HCN4: variants seen among roughly 807,000 people sequenced by gnomAD.
HCN4 encodes the protein hyperpolarization activated cyclic nucleotide gated potassium channel 4.
In HCN4, 29 loss-of-function variants were observed where a neutral mutation model predicts 76.9. That is an observed-to-expected ratio of 0.38 (90% CI 0.28 to 0.51). The LOEUF (loss-of-function observed/expected upper bound fraction) is 0.51, where lower values mean the gene tolerates loss of function less well. Ranked by LOEUF, HCN4 falls within the 20% of genes least tolerant of loss-of-function variation. The pLI is 0.90. For synonymous variants in HCN4, 772 were observed against 762.5 expected (o/e 1.01, Z -0.21); for missense variants, 1,416 against 1,715.2 (o/e 0.83, Z 3.08).
intron 2 of HCN4, among the ~76,000 whole-genome samples, chr15:73,338,799 G>A (rs2042981249): frequency 6.6e-6 from 1 of 152,224 alleles, no homozygotes; most frequent in South Asian, 2.1e-4. Context: ...AGCAACCCCA[G>A]GCCTGGCAGA....
chr15:73,367,786 G>A lies in HCN4; in HGVS notation c.485C>T (p.Ala162Val), dbSNP rs2043135851. 1.5e-6 allele frequency: 2 copies of A among 1,342,926 alleles called. No individual in the cohort carries two copies. Among genetic ancestry groups the A allele is most frequent in the Non-Finnish European group, 1.9e-6 (2 of 1,056,614 alleles). The allele number at this position is 1,342,926 out of a possible 1,614,324, so 83.2% of individuals were successfully genotyped here. Residue 162 changes from alanine (A) to valine (V), a missense_variant, in exon 1 of 8, where the codon GCA becomes GTA. Around this residue, in one of 6 missense-constraint regions of HCN4, gnomAD observed 355 missense variants for 347.8 expected, o/e 1.02. Transcript: ENST00000261917. The surrounding 1 kb of genome is among the most constrained non-coding windows in gnomAD (Gnocchi z 7.5). ...CTGCTGGGGCGGCGGCGGCGAGGCT[G>A]CGGGCTGCGCCGAGGCGCCGGGGCG... Reference protein sequence around the residue: ...PERPGASAQPAASPPPPQQPP... With the variant: ...PERPGASAQPVASPPPPQQPP...
chr15:73,358,734 C>A (rs911118279), intron 1 of HCN4, among the ~76,000 whole-genome samples: 5 of 152,192 alleles, frequency 3.3e-5, no homozygotes, highest in African/African-American at 1.2e-4. Context: ...AACACCCACC[C>A]CAGCCAGGCG....
In HCN4 at chr15:73,325,386, C is replaced by T. The variant is rs1005030656; in HGVS notation, c.1649G>A (p.Arg550His). The change falls in exon 5 of 8, where the codon CGC (arginine) becomes CAC (histidine). Residue 550 changes from arginine (R) to histidine (H), a missense_variant. Physicochemically the swap from Arg to His is conservative, Grantham distance 29. Transcript: ENST00000261917. This position sits in a 1 kb window ranked among gnomAD's most constrained non-coding sequence, Gnocchi z 7.4. ...FHKLPPDTRQ[R>H]IHDYYEHRYQ... Reference sequence around the variant, plus strand: ...GCGGTGCTCGTAGTAGTCGTGGATGCGCTGCCGGGTGTCGGGCGGGAGCTT... The same window carrying T: ...GCGGTGCTCGTAGTAGTCGTGGATGTGCTGCCGGGTGTCGGGCGGGAGCTT... 3.7e-6 allele frequency: 6 copies of T among 1,613,998 alleles called. No individual in the cohort carries two copies. The highest frequency in any genetic ancestry group is 2.2e-5 in the East Asian group (1 of 44,880).
intron 3 of HCN4, among the ~76,000 whole-genome samples, chr15:73,330,757 G>A (rs2042928076): frequency 6.6e-6 from 1 of 152,222 alleles, no homozygotes; most frequent in African/African-American, 2.4e-5. Flanking sequence ...CAGCCAGACT[G>A]CCCTGAACAG....
At chr15:73,345,620 A>G (rs1015275810) in intron 1 of HCN4, among the ~76,000 whole-genome samples, 2 of 152,188 alleles carry the variant, frequency 1.3e-5, no homozygotes, top group African/African-American at 2.4e-5. Context: ...ACCCAGCCAC[A>G]TAGACCTCAC....
rs2042851571 is a variant in HCN4, at chr15:73,320,632, G to C, written c.*1849C>G. The C allele has an allele frequency of 6.6e-6, 1 of 152,198 alleles. No homozygotes were observed. The highest frequency in any genetic ancestry group is 2.4e-5 in the African/African-American group (1 of 41,412). 9.4% of individuals were successfully genotyped at this position (152,198 alleles called of 1,614,324 possible). On this transcript the variant is annotated 3_prime_UTR_variant, in exon 8 of 8. Transcript: ENST00000261917. ...AGCTGCTTTCTCGTTCCCGCAATCTGGAACCTGCTTATGGCTCCTAGTTGC... is the reference window on the plus strand; with the variant it reads ...AGCTGCTTTCTCGTTCCCGCAATCTCGAACCTGCTTATGGCTCCTAGTTGC...
chr15:73,329,957 G>A lies in HCN4; in HGVS notation c.1372-166C>T, dbSNP rs913689143. On this transcript the variant is annotated intron_variant, in intron 3 of 7. Coordinates refer to ENST00000261917, the MANE Select transcript of HCN4 (RefSeq NM_005477.3). Reference sequence around the variant, plus strand: ...GAAAGCCTTGGGTGAGAAGCAGCCTGTGCTGCCAGCGAGTCCTCCTCTTGT... The same window carrying A: ...GAAAGCCTTGGGTGAGAAGCAGCCTATGCTGCCAGCGAGTCCTCCTCTTGT... 2.0e-5 allele frequency among the ~76,000 whole-genome samples: 3 copies of A among 152,250 alleles called. No individual in the cohort carries two copies. The East Asian group carries it at 5.8e-4, about 29-fold the overall frequency.
intron 1 of HCN4, among the ~76,000 whole-genome samples, chr15:73,364,006 C>T (rs1050157684): frequency 6.6e-6 from 1 of 152,124 alleles, no homozygotes; most frequent in Non-Finnish European, 1.5e-5. Flanking sequence ...GCTCAGGACA[C>T]CCCTGGGACC....
chr15:73,323,207 TG>T lies in HCN4; in HGVS notation c.2885del (p.Pro962HisfsTer23). ...LGLPEHFLPPPPSSRSPSSSP... is the reference protein window; with the variant it reads ...LGLPEHFLPPXPSSRSPSSSP... ...TAGATGACGGGGATCTGGATGAGGGTGGGGGTGGCAGGAAGTGCTCCGGGAG... is the reference window on the plus strand; with the variant it reads ...TAGATGACGGGGATCTGGATGAGGGTGGGGTGGCAGGAAGTGCTCCGGGAG... On this transcript the variant is annotated frameshift_variant, in exon 8 of 8. Transcript: ENST00000261917. LOFTEE classifies it high-confidence loss of function. The T allele has an allele frequency of 6.5e-7, 1 of 1,532,822 alleles. No individual in the cohort carries two copies. 95.0% of individuals were successfully genotyped at this position (1,532,822 alleles called of 1,614,324 possible). A position where few individuals can be genotyped will look rare whatever the true frequency, so the allele number is the denominator to read the frequency against.
At chr15:73,331,470 T>C (rs1426759784) in intron 3 of HCN4, among the ~76,000 whole-genome samples, 1 of 152,184 alleles carries the variant, frequency 6.6e-6, no homozygotes, top group African/African-American at 2.4e-5. Flanking sequence ...GCTTTTTGTT[T>C]TTTATTTTTA....
At chr15:73,326,812 G>T (rs1050418885) in intron 4 of HCN4, among the ~76,000 whole-genome samples, 7 of 148,808 alleles carry the variant, frequency 4.7e-5, no homozygotes, top group East Asian at 1.9e-4. Context: ...GTTAAGACAG[G>T]GTCTCGTTGT....
Position 73,367,457 on chromosome 15 carries a change from C to T in HCN4, c.785+29G>A, listed in dbSNP as rs188092263. ...GGCATGCCTGCCACCGCGCAGGGCACCCACAGGATCATCGCTGTGGCCCCT... is the reference window on the plus strand; with the variant it reads ...GGCATGCCTGCCACCGCGCAGGGCATCCACAGGATCATCGCTGTGGCCCCT... On this transcript the variant is annotated intron_variant, in intron 1 of 7. Transcript: ENST00000261917. The surrounding 1 kb of genome is among the most constrained non-coding windows in gnomAD (Gnocchi z 7.5). The T allele has an allele frequency of 1.3e-4, 206 of 1,612,116 alleles. No individual in the cohort carries two copies. The African/African-American group carries it at 1.3e-3, about 11-fold the overall frequency.
chr15:73,367,853 CG>C lies in HCN4; in HGVS notation c.417del (p.Gly140AlafsTer92). 4 of 1,301,032 alleles carry C rather than the reference CG, an allele frequency of 3.1e-6. No individual in the cohort carries two copies. 80.6% of individuals were successfully genotyped at this position (1,301,032 alleles called of 1,614,324 possible). ...RRLIAEGDAS[P>X]GEDRTPPGLA... ...AGGCCTGGGGGCGTCCTGTCCTCGC[CG>C]GGGGACGCGTCGCCCTCGGCGATGA... On this transcript the variant is annotated frameshift_variant, in exon 1 of 8. Coordinates refer to ENST00000261917, the MANE Select transcript of HCN4 (RefSeq NM_005477.3). LOFTEE classifies it high-confidence loss of function. The surrounding 1 kb of genome is among the most constrained non-coding windows in gnomAD (Gnocchi z 7.5).
intron 4 of HCN4, among the ~76,000 whole-genome samples, chr15:73,327,836 C>A (rs2042909876): frequency 6.6e-6 from 1 of 152,168 alleles, no homozygotes; most frequent in African/African-American, 2.4e-5. Flanking sequence ...TCCTTGCCTC[C>A]CAGCTCTGTA....
rs767228162 is a variant in HCN4, at chr15:73,325,174, G to A, written c.1759C>T (p.Arg587Trp). ...LREEIINFNC[R>W]KLVASMPLFA... The stretch of plus-strand genomic sequence containing the variant: ...AGTGGCATGGAGGCCACCAGCTTCC[G>A]ACAGTTAAAGTTGATGATCTCCTGC... The change falls in exon 6 of 8, where the codon CGG becomes TGG. Residue 587 changes from arginine (R) to tryptophan (W), a missense_variant. Physicochemically the swap from Arg to Trp is moderately radical, Grantham distance 101 (BLOSUM62 -3). Transcript: ENST00000261917. This position sits in a 1 kb window ranked among gnomAD's most constrained non-coding sequence, Gnocchi z 7.4. 5.0e-6 allele frequency: 8 copies of A among 1,614,064 alleles called. No individual in the cohort carries two copies. Among genetic ancestry groups the A allele is most frequent in the East Asian group, 2.2e-5 (1 of 44,878 alleles).
At chr15:73,351,699 C>T (rs868537642) in intron 1 of HCN4, among the ~76,000 whole-genome samples, 10 of 152,210 alleles carry the variant, frequency 6.6e-5, no homozygotes, top group African/African-American at 1.7e-4. Flanking sequence ...CTCCAATCGA[C>T]TCTCCACACT....
intron 2 of HCN4, among the ~76,000 whole-genome samples, chr15:73,334,626 ACAGCACCATTCACGGTCT>A (rs1443010323): frequency 6.6e-6 from 1 of 151,882 alleles, no homozygotes. Flanking sequence ...GGCGAGTGAC[ACAGCACCATTCACGGTCT>A]CAGAGCCGGC....
chr15:73,350,845 T>TA (rs559176108), intron 1 of HCN4, among the ~76,000 whole-genome samples: 40 of 151,306 alleles, frequency 2.6e-4, no homozygotes, highest in South Asian at 8.4e-4. Context: ...TCTCTAAACT[T>TA]AAAAAAAAAT....
At position 73,323,623 on chromosome 15, in the gene HCN4, T is replaced by G; in HGVS notation, c.2470A>C (p.Arg824=). The G allele has an allele frequency of 6.2e-7, 1 of 1,600,272 alleles. No homozygotes were observed. Residue 824 remains arginine, a synonymous_variant, in exon 8 of 8, where the codon AGG becomes CGG. Transcript: ENST00000261917. Reference sequence around the variant, plus strand: ...AGGGACTGCAGCCGTTTCAGGTGCCTTGGCGTCTGCCCGGCACCGAGGTTG... The same window carrying G: ...AGGGACTGCAGCCGTTTCAGGTGCCGTGGCGTCTGCCCGGCACCGAGGTTG... The part of the protein sequence containing the change: ...LGNLGAGQTP[R]HLKRLQSLIP...
Sources: allele counts gnomAD v4.1 joint callset (sites outside exome capture counted in the v4.1 genomes callset), GRCh38; gene constraint gnomAD v4.1.1; regional missense constraint gnomAD v4.1.1; non-coding constraint Gnocchi (gnomAD v3.1); transcripts MANE v1.5; gene names NCBI Gene and HGNC (gene_info 2026-07-23, HGNC 2026-07-21).